The following ZNF440 variants were observed in gnomAD, a reference collection of about 807,000 sequenced individuals.
The protein encoded by ZNF440 is zinc finger protein 440.
In ZNF440, 47 loss-of-function variants were observed where a neutral mutation model predicts 49.7. That is an observed-to-expected ratio of 0.95 (90% CI 0.75 to 1.21). The LOEUF is 1.21. Ranked by LOEUF, ZNF440 falls within the 50% of genes most tolerant of loss-of-function variation. The pLI is 0.00. For missense variants in ZNF440, 703 were observed against 715.0 expected (o/e 0.98, Z 0.19); for synonymous variants, 255 against 237.7 (o/e 1.07, Z -0.67).
Position 11,831,621 on chromosome 19 carries a change from C to G in ZNF440, c.445C>G (p.Pro149Ala), listed in dbSNP as rs200883112. Residue 149 changes from proline to alanine, a missense_variant, in exon 4 of 4, where the codon CCT (proline) becomes GCT (alanine). Pro to Ala is a conservative substitution (Grantham distance 27). Coordinates refer to ENST00000304060, the MANE Select transcript of ZNF440 (RefSeq NM_152357.3). Reference sequence around the variant, plus strand: ...ACCAAAGCCATGTAAGTGTCAACAACCTAAAAAAGCCTTCAGATACCGCCC... The same window carrying G: ...ACCAAAGCCATGTAAGTGTCAACAAGCTAAAAAAGCCTTCAGATACCGCCC... ...YGPKPCKCQQ[P>A]KKAFRYRPSF... 180 of 1,614,114 alleles carry G rather than the reference C, an allele frequency of 1.1e-4. No homozygotes were observed. Among genetic ancestry groups the G allele is most frequent in the Non-Finnish European group, 1.4e-4 (170 of 1,180,026 alleles).
Position 11,831,817 on chromosome 19 carries a change from T to A in ZNF440, c.641T>A (p.Leu214Ter), listed in dbSNP as rs1975945401. 1 of 1,609,170 alleles carries A rather than the reference T, an allele frequency of 6.2e-7. No individual in the cohort carries two copies. The highest frequency in any genetic ancestry group is 1.3e-5 in the African/African-American group (1 of 74,724). The change falls in exon 4 of 4, where the codon TTA becomes TAA. Residue 214 changes from leucine to a stop codon, truncating the protein, a stop_gained. Transcript: ENST00000304060. LOFTEE classifies it high-confidence loss of function. ...GGGAAAGCATTCCATTGTCTCAGAT[T>A]ATATCTTATCCATGAAAGAATTCAC... ...FCGKAFHCLR[L>*]YLIHERIHTG... is the part of the protein sequence containing the mutation.
intron 1 of ZNF440, among the ~76,000 whole-genome samples, chr19:11,825,263 T>G (rs1303912886): frequency 6.6e-6 from 1 of 152,250 alleles, no homozygotes; most frequent in African/African-American, 2.4e-5. Flanking sequence ...CAAGAATATA[T>G]TACATGTGAA....
chr19:11,832,648 G>A lies in ZNF440; in HGVS notation c.1472G>A (p.Arg491His), dbSNP rs375158417. 5.3e-5 allele frequency: 86 copies of A among 1,613,546 alleles called. No individual in the cohort carries two copies. The highest frequency in any genetic ancestry group is 6.7e-5 in the East Asian group (3 of 44,836). Residue 491 changes from arginine to histidine, a missense_variant, in exon 4 of 4, where the codon CGT (arginine) becomes CAT (histidine). Physicochemically the swap from Arg to His is conservative, Grantham distance 29. Transcript: ENST00000304060. ...TGEKLYECKQ[R>H]SVVPSVVPVP... ...GAGAAACTCTATGAATGCAAGCAACGTTCAGTAGTTCCTTCAGTAGTTCCA... is the reference window on the plus strand; with the variant it reads ...GAGAAACTCTATGAATGCAAGCAACATTCAGTAGTTCCTTCAGTAGTTCCA...
chr19:11,822,419 G>T (rs1975810561), intron 1 of ZNF440, among the ~76,000 whole-genome samples: 1 of 152,178 alleles, frequency 6.6e-6, no homozygotes. Context: ...TTAAATTATT[G>T]TATATGGAGA....
intron 1 of ZNF440, among the ~76,000 whole-genome samples, chr19:11,819,775 G>A (rs931177985): frequency 3.3e-5 from 5 of 152,196 alleles, no homozygotes; most frequent in African/African-American, 9.7e-5. Flanking sequence ...GGTGGATTAT[G>A]CCTGATTAAG....
chr19:11,825,679 TG>T (rs1975854154), intron 1 of ZNF440, among the ~76,000 whole-genome samples: 2 of 152,314 alleles, frequency 1.3e-5, no homozygotes, highest in South Asian at 4.1e-4. Flanking sequence ...TAAAGATTTT[TG>T]TTTTGTGAGA....
intron 2 of ZNF440, 48 bp downstream of exon 2, chr19:11,830,457 T>A (rs1440722414): frequency 5.6e-6 from 9 of 1,610,604 alleles, no homozygotes; most frequent in Non-Finnish European, 4.2e-6. Flanking sequence ...GAACCAGTGT[T>A]TCTAGCTCAT....
chr19:11,834,940 G>C lies in ZNF440; in HGVS notation c.*1976G>C, dbSNP rs531381747. ...GTGGTGGCATGCTCCTGTAATCCTA[G>C]CTATTCAGGAGGCTGACATAGGAGA... On this transcript the variant is annotated 3_prime_UTR_variant, in exon 4 of 4. Coordinates refer to ENST00000304060, the MANE Select transcript of ZNF440 (RefSeq NM_152357.3). 1 of 152,252 alleles carries C rather than the reference G, an allele frequency of 6.6e-6. No individual in the cohort carries two copies. The highest frequency in any genetic ancestry group is 6.5e-5 in the Admixed American group (1 of 15,280). The allele number at this position is 152,252 out of a possible 1,614,324, so 9.4% of individuals were successfully genotyped here. A position where few individuals can be genotyped will look rare whatever the true frequency, so the allele number is the denominator to read the frequency against.
chr19:11,832,737 G>A lies in ZNF440; in HGVS notation c.1561G>A (p.Gly521Arg), dbSNP rs117998813. ...AAGCCCTATAAATGCGAGCAATGTG[G>A]GAAAGCCTTCAGAGCTGTGTCAATC... ...ERSPINASNVGKPSELCQSFE... is the reference protein window; with the variant it reads ...ERSPINASNVRKPSELCQSFE... Residue 521 changes from glycine to arginine, a missense_variant, in exon 4 of 4, where the codon GGA becomes AGA. Transcript: ENST00000304060. The A allele has an allele frequency of 3.3e-3, 5,262 of 1,613,696 alleles. 148 individuals carry two copies. The East Asian group carries it at 0.074, about 23-fold the overall frequency.
Position 11,831,973 on chromosome 19 carries a change from A to T in ZNF440, c.797A>T (p.His266Leu). The T allele has an allele frequency of 6.2e-7, 1 of 1,613,794 alleles. No individual in the cohort carries two copies. Among genetic ancestry groups the T allele is most frequent in the Non-Finnish European group, 8.5e-7 (1 of 1,179,848 alleles). The change falls in exon 4 of 4, where the codon CAT (histidine) becomes CTT (leucine). Residue 266 changes from histidine (H) to leucine (L), a missense_variant. His to Leu is a moderately conservative substitution (Grantham distance 99, BLOSUM62 -3). Coordinates refer to ENST00000304060, the MANE Select transcript of ZNF440 (RefSeq NM_152357.3). ...YEYQECGKAF[H>L]SPRSYRRHER... ...TATCAGGAGTGTGGGAAAGCATTTC[A>T]TAGTCCCAGATCCTATCGTAGACAT... is the stretch of plus-strand genomic sequence containing the variant.
chr19:11,831,279 A>G, intron 3 of ZNF440, 89 bp from the exon 4 acceptor site: 1 of 1,478,782 alleles, frequency 6.8e-7, no homozygotes, highest in Non-Finnish European at 9.1e-7. Context: ...TTTGATGGAG[A>G]GTGTTAAAAA....
In ZNF440 at chr19:11,834,767, C is replaced by T. The variant is rs559118220; in HGVS notation, c.*1803C>T. The T allele has an allele frequency of 2.0e-5, 3 of 152,390 alleles. No individual in the cohort carries two copies. The East Asian group carries it at 5.8e-4, about 29-fold the overall frequency. 9.4% of individuals were successfully genotyped at this position (152,390 alleles called of 1,614,324 possible). ...TGCCTGGTATGTGACACGTGTCTCT[C>T]CAACAATAAAAGACTTGGCCTTGGC... On this transcript the variant is annotated 3_prime_UTR_variant, in exon 4 of 4. Coordinates refer to ENST00000304060, the MANE Select transcript of ZNF440 (RefSeq NM_152357.3).
chr19:11,831,532 C>A lies in ZNF440; in HGVS notation c.356C>A (p.Ser119Ter), dbSNP rs912056812. 1.2e-6 allele frequency: 2 copies of A among 1,614,042 alleles called. No individual in the cohort carries two copies. The highest frequency in any genetic ancestry group is 1.7e-6 in the Non-Finnish European group (2 of 1,179,984). The change falls in exon 4 of 4, where the codon TCA (serine) becomes TAA (stop). Residue 119 changes from serine (S) to a stop codon, truncating the protein, a stop_gained. Transcript: ENST00000304060. LOFTEE classifies it high-confidence loss of function. ...TGTGGAGAAGTTGGCCTAGGTAACT[C>A]ATCTTTTAATATGAACATCAGAGGT... ...FVCGEVGLGNSSFNMNIRGDI... is the reference protein window; with the variant it reads ...FVCGEVGLGN
chr19:11,823,774 C>G (rs1192246694), intron 1 of ZNF440, among the ~76,000 whole-genome samples: 4 of 152,038 alleles, frequency 2.6e-5, no homozygotes, highest in Non-Finnish European at 5.9e-5. Context: ...ACCAGCCTGA[C>G]AAACATGGAG....
Position 11,831,979 on chromosome 19 carries a change from C to G in ZNF440, c.803C>G (p.Pro268Arg), listed in dbSNP as rs781015541. 6.2e-7 allele frequency: 1 copy of G among 1,613,542 alleles called. No homozygotes were observed. Among genetic ancestry groups the G allele is most frequent in the East Asian group, 2.2e-5 (1 of 44,814 alleles). Residue 268 changes from proline to arginine, a missense_variant, in exon 4 of 4, where the codon CCC (proline) becomes CGC (arginine). Coordinates refer to ENST00000304060, the MANE Select transcript of ZNF440 (RefSeq NM_152357.3). The part of the protein sequence containing the change: ...YQECGKAFHS[P>R]RSYRRHERIH... ...GAGTGTGGGAAAGCATTTCATAGTC[C>G]CAGATCCTATCGTAGACATGAAAGG...
Position 11,832,520 on chromosome 19 carries a change from C to G in ZNF440, c.1344C>G (p.His448Gln). The G allele has an allele frequency of 1.9e-6, 3 of 1,613,574 alleles. No individual in the cohort carries two copies. Among genetic ancestry groups the G allele is most frequent in the South Asian group, 1.1e-5 (1 of 91,052 alleles). ...NLQSHERTQT[H>Q]IRIHSGERRY... ...AAAGTCATGAAAGGACACAAACACA[C>G]ATAAGAATACACTCTGGAGAAAGAC... Residue 448 changes from histidine to glutamine, a missense_variant, in exon 4 of 4, where the codon CAC becomes CAG. His to Gln is a conservative substitution (Grantham distance 24). Coordinates refer to ENST00000304060, the MANE Select transcript of ZNF440 (RefSeq NM_152357.3).
chr19:11,831,050 T>C (rs1483268334), intron 3 of ZNF440, among the ~76,000 whole-genome samples: 1 of 152,240 alleles, frequency 6.6e-6, no homozygotes, highest in Non-Finnish European at 1.5e-5. Flanking sequence ...CAGTAAGCTA[T>C]GGTGATATCA....
Position 11,818,179 on chromosome 19 carries a change from G to C in ZNF440, c.3+3729G>C, listed in dbSNP as rs1024307635. ...TGATTGTGCCATTGCACTCCAGCCT[G>C]GGCAACAAGAGTGAAACTCTGTCTC... On this transcript the variant is annotated intron_variant, in intron 1 of 3. Transcript: ENST00000304060. 9.2e-5 allele frequency among the ~76,000 whole-genome samples: 14 copies of C among 152,220 alleles called. 1 individual carries two copies. Among genetic ancestry groups the C allele is most frequent in the Admixed American group, 5.9e-4 (9 of 15,284 alleles).
At chr19:11,823,055 T>C (rs1975818637) in intron 1 of ZNF440, among the ~76,000 whole-genome samples, 1 of 152,270 alleles carries the variant, frequency 6.6e-6, no homozygotes, top group South Asian at 2.1e-4. Context: ...CATTTCTTTC[T>C]GGCAGTTCTT....
Sources: gnomAD v4.1 joint callset for allele counts (sites outside exome capture counted in the v4.1 genomes callset) on GRCh38, gnomAD v4.1.1 for gene constraint, MANE v1.5 for transcripts, NCBI Gene and HGNC (gene_info 2026-07-23, HGNC 2026-07-21) for gene names.